Variants in DCC observed in about 807,000 individuals in gnomAD.
DCC encodes the protein DCC netrin 1 receptor.
Under a neutral mutation model 172.5 loss-of-function variants are expected in DCC, and 58 were observed. That is an observed-to-expected ratio of 0.34 (90% CI 0.27 to 0.42). The LOEUF (loss-of-function observed/expected upper bound fraction) is 0.42, where lower values mean the gene tolerates loss of function less well. DCC is among the 10% of genes least tolerant of loss of function. The pLI, the probability that DCC is intolerant of heterozygous loss-of-function variation, is 1.00. For missense variants in DCC, 1,740 were observed against 1,791.0 expected, an observed-to-expected ratio of 0.97 and a Z score of 0.51; for synonymous variants, 709 against 644.5, an observed-to-expected ratio of 1.10 and a Z score of -1.52.
chr18:53,186,861 G>A (rs1435144596), intron 9 of DCC, among the ~76,000 whole-genome samples: 1 of 152,054 alleles, frequency 6.6e-6, no homozygotes, highest in East Asian at 1.9e-4. Context: ...CCAAGATGAG[G>A]CTTTGTTGCT....
At chr18:52,786,696 T>C (rs2037667883) in intron 2 of DCC, among the ~76,000 whole-genome samples, 1 of 152,138 alleles carries the variant, frequency 6.6e-6, no homozygotes, top group Non-Finnish European at 1.5e-5. Flanking sequence ...CCTTTTCTCT[T>C]AATGTTCCAA....
At chr18:53,240,990 G>A (rs1370429414) in intron 12 of DCC, among the ~76,000 whole-genome samples, 1 of 152,160 alleles carries the variant, frequency 6.6e-6, no homozygotes, top group African/African-American at 2.4e-5. Flanking sequence ...CCACTGAAAT[G>A]TGCTGGGGAG....
chr18:53,477,969 C>T (rs1203823164), intron 25 of DCC, among the ~76,000 whole-genome samples: 1 of 152,264 alleles, frequency 6.6e-6, no homozygotes, highest in South Asian at 2.1e-4. Flanking sequence ...AATGCTGTTT[C>T]TTACTATAAT....
intron 3 of DCC, among the ~76,000 whole-genome samples, chr18:52,911,848 G>A (rs556427474): frequency 6.6e-6 from 1 of 151,920 alleles, no homozygotes; most frequent in African/African-American, 2.4e-5. Context: ...GCCTTTCATA[G>A]ATTTAAGATG....
chr18:52,935,982 G>A (rs944753751), intron 5 of DCC, among the ~76,000 whole-genome samples: 1 of 152,018 alleles, frequency 6.6e-6, no homozygotes, highest in Admixed American at 6.6e-5. Flanking sequence ...TAAAAGAAGT[G>A]CCTTAGGTAC....
intron 7 of DCC, among the ~76,000 whole-genome samples, chr18:53,126,476 G>C (rs2043558896): frequency 6.6e-6 from 1 of 152,102 alleles, no homozygotes; most frequent in South Asian, 2.1e-4. Context: ...GCATTATGTT[G>C]AGCTGTCGCT....
chr18:52,675,103 G>C (rs933310827), intron 1 of DCC, among the ~76,000 whole-genome samples: 5 of 152,132 alleles, frequency 3.3e-5, no homozygotes, highest in African/African-American at 1.2e-4. Flanking sequence ...GTGTCTCCCA[G>C]GCTGGAGTGC....
At chr18:53,070,874 A>G (rs756479212) in intron 7 of DCC, among the ~76,000 whole-genome samples, 6 of 152,200 alleles carry the variant, frequency 3.9e-5, no homozygotes, top group Non-Finnish European at 7.3e-5. Context: ...TGCCACTCCA[A>G]TTCCTCAGAG....
chr18:53,103,580 T>C (rs2043203994), intron 7 of DCC, among the ~76,000 whole-genome samples: 1 of 152,028 alleles, frequency 6.6e-6, no homozygotes, highest in Admixed American at 6.6e-5. Flanking sequence ...GCTATGACTC[T>C]CAATGAAAAT....
intron 1 of DCC, among the ~76,000 whole-genome samples, chr18:52,470,704 C>T (rs1225145537): frequency 6.6e-6 from 1 of 152,182 alleles, no homozygotes; most frequent in East Asian, 1.9e-4. Flanking sequence ...TAAATCCCAA[C>T]ACACAAAATA....
At chr18:52,637,616 A>G (rs1337542749) in intron 1 of DCC, among the ~76,000 whole-genome samples, 2 of 152,226 alleles carry the variant, frequency 1.3e-5, no homozygotes, top group African/African-American at 2.4e-5. Flanking sequence ...AACAAAGGCA[A>G]AGAAAAAAGA....
chr18:52,797,827 G>A (rs1006343771), intron 2 of DCC, among the ~76,000 whole-genome samples: 9 of 152,294 alleles, frequency 5.9e-5, no homozygotes, highest in Admixed American at 2.0e-4. Context: ...CCAGGTCCCC[G>A]GACAGTACAT....
intron 7 of DCC, among the ~76,000 whole-genome samples, chr18:53,132,797 C>A (rs1384813206): frequency 6.6e-6 from 1 of 152,094 alleles, no homozygotes; most frequent in Admixed American, 6.5e-5. Flanking sequence ...ATTCCAGAGT[C>A]CTCCACTGAT....
chr18:52,772,365 A>G, intron 2 of DCC, among the ~76,000 whole-genome samples: 1 of 152,220 alleles, frequency 6.6e-6, no homozygotes, highest in Non-Finnish European at 1.5e-5. Context: ...TATTTTTCAG[A>G]AAGCCTTATT....
In DCC at chr18:53,525,417, C is replaced by T. The variant is rs115198918; in HGVS notation, c.4112-1200C>T. Among the ~76,000 whole-genome samples the T allele has an allele frequency of 3.3e-3, 498 of 152,108 alleles. 3 individuals are homozygous for T. Among genetic ancestry groups the T allele is most frequent in the African/African-American group, 0.011 (476 of 41,516 alleles). On this transcript the variant is annotated intron_variant, in intron 27 of 28. Transcript: ENST00000442544. ...CTTTTATGATAAATCACTCAAATTGCAGACTTTTGATCCCTAAAGTTCAAG... is the reference window on the plus strand; with the variant it reads ...CTTTTATGATAAATCACTCAAATTGTAGACTTTTGATCCCTAAAGTTCAAG...
At chr18:52,384,979 G>A (rs923331069) in intron 1 of DCC, among the ~76,000 whole-genome samples, 6 of 152,060 alleles carry the variant, frequency 3.9e-5, no homozygotes, top group Admixed American at 1.3e-4. Flanking sequence ...TAATTAGTTC[G>A]TGGAATAGCT....
chr18:52,531,133 C>T (rs1230880631), intron 1 of DCC, among the ~76,000 whole-genome samples: 1 of 152,218 alleles, frequency 6.6e-6, no homozygotes, highest in Non-Finnish European at 1.5e-5. Context: ...AAACAGCCTT[C>T]TGTCTGCTGA....
In DCC at chr18:52,818,356, G is replaced by A. The variant is rs148489345; in HGVS notation, c.412+65982G>A. Among the ~76,000 whole-genome samples, 22 of 148,594 alleles carry A rather than the reference G, an allele frequency of 1.5e-4. 1 individual carries two copies. In the East Asian group the frequency reaches 3.6e-3, roughly 24 times the overall value. ...GAGCCCAGGAGGTCAAGGCTGCAGC[G>A]AGCTATGTCTGTGCCACTGTACTCC... On this transcript the variant is annotated intron_variant, in intron 2 of 28. Coordinates refer to ENST00000442544, the MANE Select transcript of DCC (RefSeq NM_005215.4).
chr18:52,347,780 C>A (rs557715018), intron 1 of DCC, among the ~76,000 whole-genome samples: 1 of 152,044 alleles, frequency 6.6e-6, no homozygotes, highest in African/African-American at 2.4e-5. Context: ...CTTTGTACAA[C>A]GTATTTTTCC....
Sources: gnomAD v4.1 joint callset for allele counts (sites outside exome capture counted in the v4.1 genomes callset) on GRCh38, gnomAD v4.1.1 for gene constraint, MANE v1.5 for transcripts, NCBI Gene and HGNC (gene_info 2026-07-23, HGNC 2026-07-21) for gene names.